The following FRMD3 variants were observed in gnomAD, a reference collection of about 807,000 sequenced individuals.
The protein encoded by FRMD3 is FERM domain-containing protein 3.
In FRMD3, 33 loss-of-function variants were observed where a neutral mutation model predicts 70.2. The ratio of observed to expected loss-of-function variants is 0.47; its 90% CI spans 0.36 to 0.63. The LOEUF (loss-of-function observed/expected upper bound fraction) is 0.63. FRMD3 is among the 20% of genes least tolerant of loss of function. The probability of loss-of-function intolerance (pLI) is 0.00; values close to 1 mark genes in which losing one functional copy is unlikely to be tolerated. For missense variants in FRMD3, 632 were observed against 711.4 expected, an observed-to-expected ratio of 0.89 and a Z score of 1.27; for synonymous variants, 279 against 255.9, an observed-to-expected ratio of 1.09 and a Z score of -0.86.
At chr9:83,447,650 G>C (rs1827520921) in intron 1 of FRMD3, among the ~76,000 whole-genome samples, 1 of 152,160 alleles carries the variant, frequency 6.6e-6, no homozygotes, top group Non-Finnish European at 1.5e-5. Context: ...GCCCAGAGCA[G>C]GCAGACAGGC....
At chr9:83,389,088 C>G (rs1825593211) in intron 2 of FRMD3, among the ~76,000 whole-genome samples, 1 of 151,942 alleles carries the variant, frequency 6.6e-6, no homozygotes, top group African/African-American at 2.4e-5. Context: ...GCTGTGATGA[C>G]AGGCACATGC....
intron 3 of FRMD3, among the ~76,000 whole-genome samples, chr9:83,354,745 C>G (rs1824280486): frequency 6.6e-6 from 1 of 152,044 alleles, no homozygotes; most frequent in African/African-American, 2.4e-5. Context: ...AATACCAGGA[C>G]AGTAGAAGGT....
At chr9:83,314,936 C>G (rs920161965) in intron 6 of FRMD3, among the ~76,000 whole-genome samples, 1 of 152,088 alleles carries the variant, frequency 6.6e-6, no homozygotes, top group Admixed American at 6.5e-5. Context: ...ATCTTTGTTT[C>G]ATTCTTTATA....
chr9:83,457,646 AG>A (rs1827854976), intron 1 of FRMD3, among the ~76,000 whole-genome samples: 1 of 152,332 alleles, frequency 6.6e-6, no homozygotes, highest in East Asian at 1.9e-4. Context: ...AATAATGACA[AG>A]GAAAAAAGTC....
chr9:83,406,341 C>T (rs1024902313), intron 1 of FRMD3, among the ~76,000 whole-genome samples: 1 of 152,202 alleles, frequency 6.6e-6, no homozygotes. Context: ...TCAAAGGCTA[C>T]TAGAGCCAAG....
chr9:83,434,819 CTTTTTTTTTTTT>C (rs757810185), intron 1 of FRMD3, among the ~76,000 whole-genome samples: 1 of 74,878 alleles, frequency 1.3e-5, no homozygotes, highest in African/African-American at 5.8e-5. Context: ...CACCCCTCTG[CTTTTTTTTTTTT>C]TTTTTTTTTT....
At chr9:83,354,517 G>C (rs944560497) in intron 3 of FRMD3, among the ~76,000 whole-genome samples, 2 of 152,084 alleles carry the variant, frequency 1.3e-5, no homozygotes, top group African/African-American at 4.8e-5. Context: ...GAAAGTAAAG[G>C]GGGCAAGTGT....
chr9:83,302,210 A>T (rs1191016097), intron 10 of FRMD3, among the ~76,000 whole-genome samples: 1 of 152,176 alleles, frequency 6.6e-6, no homozygotes, highest in Non-Finnish European at 1.5e-5. Context: ...CACCTGGAGT[A>T]GGTATAAAAA....
chr9:83,382,939 C>T (rs1215800239), intron 2 of FRMD3, among the ~76,000 whole-genome samples: 1 of 152,142 alleles, frequency 6.6e-6, no homozygotes, highest in Non-Finnish European at 1.5e-5. Context: ...TCAAAACGTT[C>T]AGAACTTATC....
chr9:83,522,603 G>A lies in FRMD3; in HGVS notation c.147+15482C>T, dbSNP rs1379647242. Among the ~76,000 whole-genome samples the A allele has an allele frequency of 6.5e-5, 9 of 139,376 alleles. 1 individual carries two copies. Among genetic ancestry groups the A allele is most frequent in the Admixed American group, 5.3e-4 (7 of 13,310 alleles). The allele number at this position is 139,376 out of a possible 152,430, so 91.4% of individuals were successfully genotyped here. ...TTTTGAGATGGAGTCTTGTTCTGTCGCCTAGGCTGGAGTGCAGTGTAGCGA... is the reference window on the plus strand; with the variant it reads ...TTTTGAGATGGAGTCTTGTTCTGTCACCTAGGCTGGAGTGCAGTGTAGCGA... On this transcript the variant is annotated intron_variant, in intron 1 of 13. Transcript: ENST00000304195.
At chr9:83,375,508 G>A (rs1224231436) in intron 2 of FRMD3, among the ~76,000 whole-genome samples, 2 of 152,144 alleles carry the variant, frequency 1.3e-5, no homozygotes, top group East Asian at 3.8e-4. Flanking sequence ...TGCAGTCCTA[G>A]GAAAAATAAG....
intron 1 of FRMD3, among the ~76,000 whole-genome samples, chr9:83,492,757 G>A (rs1019187249): frequency 1.1e-4 from 17 of 152,144 alleles, no homozygotes; most frequent in Non-Finnish European, 1.8e-4. Context: ...CTCACAATTT[G>A]CATGGGTCTC....
At chr9:83,250,413 A>G (rs1272179355) in intron 13 of FRMD3, among the ~76,000 whole-genome samples, 1 of 151,962 alleles carries the variant, frequency 6.6e-6, no homozygotes, top group Non-Finnish European at 1.5e-5. Flanking sequence ...AGTTTTACAT[A>G]CTCTGGCCCC....
chr9:83,484,912 T>C (rs1375021840), intron 1 of FRMD3, among the ~76,000 whole-genome samples: 1 of 152,192 alleles, frequency 6.6e-6, no homozygotes, highest in African/African-American at 2.4e-5. Context: ...ACACACAGTG[T>C]GATAGTCAAA....
chr9:83,471,057 T>A lies in FRMD3; in HGVS notation c.147+67028A>T, dbSNP rs548374232. Among the ~76,000 whole-genome samples the A allele has an allele frequency of 2.0e-5, 3 of 152,310 alleles. No homozygotes were observed. The South Asian group carries it at 6.2e-4, about 32-fold the overall frequency. On this transcript the variant is annotated intron_variant, in intron 1 of 13. Transcript: ENST00000304195. ...GGAAAACTGCTCACAGCTAACTCTGTCTCATAAAACTCCAGTTTTAGGGGG... is the reference window on the plus strand; with the variant it reads ...GGAAAACTGCTCACAGCTAACTCTGACTCATAAAACTCCAGTTTTAGGGGG...
intron 2 of FRMD3, among the ~76,000 whole-genome samples, chr9:83,378,511 T>TAA (rs540663427): frequency 0.013 from 895 of 67,668 alleles, 15 homozygotes; most frequent in African/African-American, 0.023. Context: ...TTTATATATA[T>TAA]AATATACATA....
At chr9:83,364,456 T>C (rs1235795060) in intron 3 of FRMD3, among the ~76,000 whole-genome samples, 1 of 151,672 alleles carries the variant, frequency 6.6e-6, no homozygotes, top group Non-Finnish European at 1.5e-5. Context: ...CTCAGGAGGC[T>C]GAGGCAGGAG....
intron 1 of FRMD3, among the ~76,000 whole-genome samples, chr9:83,445,525 T>C (rs1256141757): frequency 6.6e-6 from 1 of 152,208 alleles, no homozygotes; most frequent in Non-Finnish European, 1.5e-5. Flanking sequence ...ACATTTTAAA[T>C]TCATTCATCT....
rs1048150143 is a variant in FRMD3 at position 83,258,166 on chromosome 9, A to T, written c.1196-9650T>A. Among the ~76,000 whole-genome samples the T allele has an allele frequency of 4.6e-5, 7 of 152,142 alleles. No homozygotes were observed. In the East Asian group the frequency reaches 1.3e-3, roughly 29 times the overall value. On this transcript the variant is annotated intron_variant, in intron 13 of 13. Coordinates refer to ENST00000304195, the MANE Select transcript of FRMD3 (RefSeq NM_174938.6). Reference sequence around the variant, plus strand: ...CCCAATACAACAGCATGCCCTAAAGATATGTCAGGCATCACAACACAACCT... The same window carrying T: ...CCCAATACAACAGCATGCCCTAAAGTTATGTCAGGCATCACAACACAACCT...
Sources: allele counts gnomAD v4.1 joint callset (sites outside exome capture counted in the v4.1 genomes callset), GRCh38; gene constraint gnomAD v4.1.1; transcripts MANE v1.5; gene names NCBI Gene and HGNC (gene_info 2026-07-23, HGNC 2026-07-21).